Variants in PHOSPHO1 observed in about 807,000 individuals in gnomAD.
The protein encoded by PHOSPHO1 is phosphoethanolamine/phosphocholine phosphatase.
A neutral mutation model predicts 17.7 loss-of-function variants in PHOSPHO1; 6 were observed. The ratio of observed to expected loss-of-function variants is 0.34; its 90% CI spans 0.19 to 0.67. The LOEUF is 0.67. Ranked by LOEUF, PHOSPHO1 falls within the 30% of genes least tolerant of loss-of-function variation. PHOSPHO1 has a pLI of 0.69. For missense variants in PHOSPHO1, 330 were observed against 392.1 expected, an observed-to-expected ratio of 0.84 and a Z score of 1.34; for synonymous variants, 159 against 174.6, an observed-to-expected ratio of 0.91 and a Z score of 0.71.
chr17:49,224,383 G>A lies in PHOSPHO1; in HGVS notation c.667C>T (p.Arg223Cys). Residue 223 changes from arginine (R) to cysteine (C), a missense_variant, in exon 3 of 3, where the codon CGC becomes TGC. By Grantham distance (180) the Arg-to-Cys change is radical. Transcript: ENST00000310544. Reference sequence around the variant, plus strand: ...AGGCGGTGCATGGGGTAGCCGCGGCGCGGGAAGGCCACGTCGCCGCCCGCC... The same window carrying A: ...AGGCGGTGCATGGGGTAGCCGCGGCACGGGAAGGCCACGTCGCCGCCCGCC... The part of the protein sequence containing the change: ...LLAGGDVAFP[R>C]RGYPMHRLIQ... 1 of 1,551,340 alleles carries A rather than the reference G, an allele frequency of 6.4e-7. No homozygotes were observed.
In PHOSPHO1 at chr17:49,226,665, G is replaced by A; in HGVS notation, c.27C>T (p.Gly9=). The A allele has an allele frequency of 6.2e-7, 1 of 1,614,210 alleles. No individual in the cohort carries two copies. The highest frequency in any genetic ancestry group is 2.2e-5 in the East Asian group (1 of 44,880). Reference sequence around the variant, plus strand: ...CACTTACCCTAGATAGGCAGCGGAGGCCAGAAACTGGAAAACAGCCACTCA... The same window carrying A: ...CACTTACCCTAGATAGGCAGCGGAGACCAGAAACTGGAAAACAGCCACTCA... MSGCFPVS[G]LRCLSRDGRM... The change falls in exon 2 of 3, where the codon GGC becomes GGT. Residue 9 remains glycine (G), a synonymous_variant. Transcript: ENST00000310544.
chr17:49,224,404 C>T lies in PHOSPHO1; in HGVS notation c.646G>A (p.Gly216Ser), dbSNP rs1268821420. The change falls in exon 3 of 3, where the codon GGC becomes AGC. Residue 216 changes from glycine to serine, a missense_variant. Coordinates refer to ENST00000310544, the MANE Select transcript of PHOSPHO1 (RefSeq NM_178500.4). ...CGGCGCGGGAAGGCCACGTCGCCGCCCGCCAGCAGCCCCATGGGGCAGAAG... is the reference window on the plus strand; with the variant it reads ...CGGCGCGGGAAGGCCACGTCGCCGCTCGCCAGCAGCCCCATGGGGCAGAAG... ...NDFCPMGLLA[G>S]GDVAFPRRGY... is the part of the protein sequence containing the mutation. 3.2e-6 allele frequency: 5 copies of T among 1,551,270 alleles called. No homozygotes were observed. Among genetic ancestry groups the T allele is most frequent in the Non-Finnish European group, 4.3e-6 (5 of 1,150,848 alleles).
intron 2 of PHOSPHO1, chr17:49,225,268 C>T: frequency 7.1e-7 from 1 of 1,401,518 alleles, no homozygotes; most frequent in Non-Finnish European, 9.2e-7. Flanking sequence ...CTTCTCGGCA[C>T]CTGTTTCCCC....
chr17:49,227,787 T>G lies in PHOSPHO1; in HGVS notation c.-67-1029A>C, dbSNP rs571153397. ...TCCCTCACAACAACCAGACCACACA[T>G]GTGTTAAATCCTTCTGCAGGGATGG... On this transcript the variant is annotated intron_variant, in intron 1 of 2. Transcript: ENST00000310544. Among the ~76,000 whole-genome samples, 9 of 152,148 alleles carry G rather than the reference T, an allele frequency of 5.9e-5. No homozygotes were observed. In the South Asian group the frequency reaches 1.9e-3, roughly 32 times the overall value.
Position 49,224,462 on chromosome 17 carries a change from C to T in PHOSPHO1, c.588G>A (p.Glu196=). ...RERAHDGVHF[E]RLFYVGDGAN... is the part of the protein sequence containing the mutation. ...CGCCGTCGCCCACGTAGAAGAGGCG[C>T]TCGAAGTGCACGCCGTCGTGGGCCC... Residue 196 remains glutamate (E), a synonymous_variant, in exon 3 of 3, where the codon GAG becomes GAA. Transcript: ENST00000310544. The T allele has an allele frequency of 6.4e-7, 1 of 1,561,936 alleles. No homozygotes were observed. The highest frequency in any genetic ancestry group is 8.7e-7 in the Non-Finnish European group (1 of 1,155,328).
chr17:49,224,974 G>T lies in PHOSPHO1; in HGVS notation c.76C>A (p.Arg26Ser). The T allele has an allele frequency of 6.4e-7, 1 of 1,558,022 alleles. No individual in the cohort carries two copies. The highest frequency in any genetic ancestry group is 8.7e-7 in the Non-Finnish European group (1 of 1,152,250). The change falls in exon 3 of 3, where the codon CGC (arginine) becomes AGC (serine). Residue 26 changes from arginine (R) to serine (S), a missense_variant. Physicochemically the swap from Arg to Ser is moderately radical, Grantham distance 110 (BLOSUM62 -1). Transcript: ENST00000310544. Reference protein sequence around the residue: ...DGRMAAQGAPRFLLTFDFDET... With the variant: ...DGRMAAQGAPSFLLTFDFDET... Reference sequence around the variant, plus strand: ...TCGAAGTCGAAGGTCAGGAGGAAGCGCGGCGCGCCCTGCGCGGCCATCCTG... The same window carrying T: ...TCGAAGTCGAAGGTCAGGAGGAAGCTCGGCGCGCCCTGCGCGGCCATCCTG...
At position 49,224,586 on chromosome 17, in the gene PHOSPHO1, C is replaced by T. The variant is rs1183519933; in HGVS notation, c.464G>A (p.Arg155Gln). 1.3e-6 allele frequency: 2 copies of T among 1,564,376 alleles called. No individual in the cohort carries two copies. Among genetic ancestry groups the T allele is most frequent in the Non-Finnish European group, 8.6e-7 (1 of 1,160,472 alleles). Residue 155 changes from arginine (R) to glutamine (Q), a missense_variant, in exon 3 of 3, where the codon CGG (arginine) becomes CAG (glutamine). Transcript: ENST00000310544. The stretch of plus-strand genomic sequence containing the variant: ...GAACGGCCGCAGAGCCAGCAGTCCC[C>T]GCGCATCCGGCCCCGACGGGTTGCT... ...ILSNPSGPDA[R>Q]GLLALRPFHT...
At chr17:49,225,936 A>C (rs1221725954) in intron 2 of PHOSPHO1, among the ~76,000 whole-genome samples, 2 of 151,984 alleles carry the variant, frequency 1.3e-5, no homozygotes, top group African/African-American at 4.8e-5. Context: ...ACAGGAAGAC[A>C]GAGTAGGGGT....
Position 49,224,223 on chromosome 17 carries a change from T to TACCC in PHOSPHO1, c.*19_*22dup, listed in dbSNP as rs1314011430. 21 of 1,536,210 alleles carry TACCC rather than the reference T, an allele frequency of 1.4e-5. No individual in the cohort carries two copies. The highest frequency in any genetic ancestry group is 1.7e-5 in the Non-Finnish European group (20 of 1,147,324). On this transcript the variant is annotated 3_prime_UTR_variant, in exon 3 of 3. Transcript: ENST00000310544. Reference sequence around the variant, plus strand: ...CCGCCCCCTCCGCCGTTGGCCCGGGTACCCCCCTGCAGGCGGCCAGACTCA... The same window carrying TACCC: ...CCGCCCCCTCCGCCGTTGGCCCGGGTACCCACCCCCCTGCAGGCGGCCAGACTCA...
At position 49,224,567 on chromosome 17, in the gene PHOSPHO1, C is replaced by T; in HGVS notation, c.483G>A (p.Arg161=). The part of the protein sequence containing the change: ...GPDARGLLAL[R]PFHTHSCARC... ...GCGCGCAGCTGTGTGTGTGGAACGG[C>T]CGCAGAGCCAGCAGTCCCCGCGCAT... Residue 161 remains arginine (R), a synonymous_variant, in exon 3 of 3, where the codon CGG becomes CGA. Transcript: ENST00000310544. The T allele has an allele frequency of 6.4e-7, 1 of 1,563,978 alleles. No individual in the cohort carries two copies.
At position 49,224,564 on chromosome 17, in the gene PHOSPHO1, C is replaced by T; in HGVS notation, c.486G>A (p.Pro162=). The change falls in exon 3 of 3, where the codon CCG becomes CCA. Residue 162 remains proline, a synonymous_variant. Coordinates refer to ENST00000310544, the MANE Select transcript of PHOSPHO1 (RefSeq NM_178500.4). The part of the protein sequence containing the change: ...PDARGLLALR[P]FHTHSCARCP... ...AGCGCGCGCAGCTGTGTGTGTGGAA[C>T]GGCCGCAGAGCCAGCAGTCCCCGCG... 6 of 1,564,662 alleles carry T rather than the reference C, an allele frequency of 3.8e-6. No homozygotes were observed. The highest frequency in any genetic ancestry group is 2.4e-5 in the East Asian group (1 of 42,282).
At chr17:49,228,893 G>C (rs1476717792) in intron 1 of PHOSPHO1, among the ~76,000 whole-genome samples, 1 of 151,658 alleles carries the variant, frequency 6.6e-6, no homozygotes, top group Non-Finnish European at 1.5e-5. Flanking sequence ...CCAGGAGACA[G>C]AGGTTGCAGT....
At chr17:49,227,955 T>C (rs2043372882) in intron 1 of PHOSPHO1, among the ~76,000 whole-genome samples, 1 of 151,246 alleles carries the variant, frequency 6.6e-6, no homozygotes, top group Admixed American at 6.6e-5. Flanking sequence ...AAGGGGAGGG[T>C]TGCATGAGGG....
Position 49,224,201 on chromosome 17 carries a change from C to T in PHOSPHO1, c.*45G>A, listed in dbSNP as rs781635897. The T allele has an allele frequency of 1.1e-5, 16 of 1,506,600 alleles. No homozygotes were observed. The highest frequency in any genetic ancestry group is 1.4e-5 in the Non-Finnish European group (16 of 1,134,312). 93.3% of individuals were successfully genotyped at this position (1,506,600 alleles called of 1,614,324 possible). The stretch of plus-strand genomic sequence containing the variant: ...GTCTTTGCCGAATCTCCCTTCCCCG[C>T]CCCCTCCGCCGTTGGCCCGGGTACC... On this transcript the variant is annotated 3_prime_UTR_variant, in exon 3 of 3. Coordinates refer to ENST00000310544, the MANE Select transcript of PHOSPHO1 (RefSeq NM_178500.4).
chr17:49,224,219 C>T lies in PHOSPHO1; in HGVS notation c.*27G>A, dbSNP rs1413559387. 2.0e-6 allele frequency: 3 copies of T among 1,525,954 alleles called. No homozygotes were observed. Among genetic ancestry groups the T allele is most frequent in the Admixed American group, 4.2e-5 (2 of 47,822 alleles). 94.5% of individuals were successfully genotyped at this position (1,525,954 alleles called of 1,614,324 possible). On this transcript the variant is annotated 3_prime_UTR_variant, in exon 3 of 3. Transcript: ENST00000310544. ...TTCCCCGCCCCCTCCGCCGTTGGCCCGGGTACCCCCCTGCAGGCGGCCAGA... is the reference window on the plus strand; with the variant it reads ...TTCCCCGCCCCCTCCGCCGTTGGCCTGGGTACCCCCCTGCAGGCGGCCAGA...
rs2043327550 is a variant in PHOSPHO1, at chr17:49,224,472, A to G, written c.578T>C (p.Val193Ala). ...DYLRERAHDG[V>A]HFERLFYVGD... ...CACGTAGAAGAGGCGCTCGAAGTGC[A>G]CGCCGTCGTGGGCCCGCTCGCGCAG... The change falls in exon 3 of 3, where the codon GTG (valine) becomes GCG (alanine). Residue 193 changes from valine to alanine, a missense_variant. Physicochemically the swap from Val to Ala is moderately conservative, Grantham distance 64. Transcript: ENST00000310544. The G allele has an allele frequency of 6.4e-7, 1 of 1,565,000 alleles. No individual in the cohort carries two copies. The highest frequency in any genetic ancestry group is 8.6e-7 in the Non-Finnish European group (1 of 1,157,042).
intron 1 of PHOSPHO1, among the ~76,000 whole-genome samples, chr17:49,227,862 A>G (rs1478403165): frequency 1.3e-5 from 2 of 151,962 alleles, no homozygotes; most frequent in Non-Finnish European, 2.9e-5. Flanking sequence ...GAATTAGGAG[A>G]GGTGGTCAAA....
chr17:49,224,438 G>C lies in PHOSPHO1; in HGVS notation c.612C>G (p.Gly204=). Residue 204 remains glycine, a synonymous_variant, in exon 3 of 3, where the codon GGC becomes GGG. Coordinates refer to ENST00000310544, the MANE Select transcript of PHOSPHO1 (RefSeq NM_178500.4). ...HFERLFYVGD[G]ANDFCPMGLL... is the part of the protein sequence containing the mutation. ...GCCCCATGGGGCAGAAGTCGTTGGC[G>C]CCGTCGCCCACGTAGAAGAGGCGCT... 6.4e-7 allele frequency: 1 copy of C among 1,554,388 alleles called. No homozygotes were observed. Among genetic ancestry groups the C allele is most frequent in the Non-Finnish European group, 8.7e-7 (1 of 1,151,698 alleles).
Position 49,224,382 on chromosome 17 carries a change from C to T in PHOSPHO1, c.668G>A (p.Arg223His). Reference sequence around the variant, plus strand: ...GAGGCGGTGCATGGGGTAGCCGCGGCGCGGGAAGGCCACGTCGCCGCCCGC... The same window carrying T: ...GAGGCGGTGCATGGGGTAGCCGCGGTGCGGGAAGGCCACGTCGCCGCCCGC... The part of the protein sequence containing the change: ...LLAGGDVAFP[R>H]RGYPMHRLIQ... The change falls in exon 3 of 3, where the codon CGC becomes CAC. Residue 223 changes from arginine to histidine, a missense_variant. By Grantham distance (29) the Arg-to-His change is conservative (BLOSUM62 0). Coordinates refer to ENST00000310544, the MANE Select transcript of PHOSPHO1 (RefSeq NM_178500.4). 4 of 1,551,076 alleles carry T rather than the reference C, an allele frequency of 2.6e-6. No individual in the cohort carries two copies. The highest frequency in any genetic ancestry group is 2.6e-6 in the Non-Finnish European group (3 of 1,151,418).
Sources: gnomAD v4.1 joint callset for allele counts (sites outside exome capture counted in the v4.1 genomes callset) on GRCh38, gnomAD v4.1.1 for gene constraint, MANE v1.5 for transcripts, NCBI Gene and HGNC (gene_info 2026-07-23, HGNC 2026-07-21) for gene names.